SERTM1: variants seen among roughly 807,000 people sequenced by gnomAD.
SERTM1 encodes the protein serine rich and transmembrane domain containing 1.
Under a neutral mutation model 5.5 loss-of-function variants are expected in SERTM1, and 1 was observed. The observed-to-expected ratio is 0.18, with a 90% confidence interval of 0.06 to 0.86. The LOEUF (loss-of-function observed/expected upper bound fraction) is 0.86. Ranked by LOEUF, SERTM1 falls within the 40% of genes least tolerant of loss-of-function variation. The probability of loss-of-function intolerance (pLI) is 0.69; values close to 1 mark genes in which losing one functional copy is unlikely to be tolerated. For missense variants in SERTM1, 91 were observed against 122.4 expected (o/e 0.74, Z 1.21); for synonymous variants, 52 against 55.1 (o/e 0.94, Z 0.25).
At chr13:36,693,634 C>T (rs935252486) in intron 1 of SERTM1, among the ~76,000 whole-genome samples, 5 of 152,150 alleles carry the variant, frequency 3.3e-5, no homozygotes, top group African/African-American at 1.2e-4. Flanking sequence ...CAGCTCCAGC[C>T]ACAGTGGCAA....
chr13:36,695,875 A>G lies in SERTM1; in HGVS notation c.*473A>G, dbSNP rs1419628106. 1.2e-5 allele frequency: 2 copies of G among 168,922 alleles called. No individual in the cohort carries two copies. Among genetic ancestry groups the G allele is most frequent in the African/African-American group, 2.4e-5 (1 of 41,510 alleles). 10.5% of individuals were successfully genotyped at this position (168,922 alleles called of 1,614,324 possible). A position where few individuals can be genotyped will look rare whatever the true frequency, so the allele number is the denominator to read the frequency against. ...AGACACCAAACTTAAAAAGGAAGAG[A>G]GTCAATTTAGATTTAATGTATGACA... is the stretch of plus-strand genomic sequence containing the variant. On this transcript the variant is annotated 3_prime_UTR_variant, in exon 2 of 2. Transcript: ENST00000315190.
rs201837139 is a variant in SERTM1, at chr13:36,697,312, A to C, written c.*1910A>C. On this transcript the variant is annotated 3_prime_UTR_variant, in exon 2 of 2. Coordinates refer to ENST00000315190, the MANE Select transcript of SERTM1 (RefSeq NM_203451.3). The stretch of plus-strand genomic sequence containing the variant: ...ATACGCACACACACACACACACATA[A>C]ATATATATATATATATATATATATA... 3.5e-5 allele frequency: 5 copies of C among 143,832 alleles called. No homozygotes were observed. The highest frequency in any genetic ancestry group is 1.4e-4 in the African/African-American group (5 of 36,216). 8.9% of individuals were successfully genotyped at this position (143,832 alleles called of 1,614,324 possible).
At chr13:36,694,719 T>C (rs918560780) in intron 1 of SERTM1, among the ~76,000 whole-genome samples, 187 bp from the exon 2 acceptor site, 1 of 152,200 alleles carries the variant, frequency 6.6e-6, no homozygotes, top group Non-Finnish European at 1.5e-5. Context: ...AGACAGAAAA[T>C]AAACGTTCAT....
At chr13:36,686,460 C>G (rs1446977236) in intron 1 of SERTM1, among the ~76,000 whole-genome samples, 1 of 152,170 alleles carries the variant, frequency 6.6e-6, no homozygotes, top group Non-Finnish European at 1.5e-5. Context: ...CTGTTGAAAA[C>G]TTGCAAGAAT....
rs1056371177 is a variant in SERTM1, at chr13:36,695,585, T to C, written c.*183T>C. 1 of 620,604 alleles carries C rather than the reference T, an allele frequency of 1.6e-6. No homozygotes were observed. Among genetic ancestry groups the C allele is most frequent in the Non-Finnish European group, 2.9e-6 (1 of 345,888 alleles). The allele number at this position is 620,604 out of a possible 1,614,324, so 38.4% of individuals were successfully genotyped here. A position where few individuals can be genotyped will look rare whatever the true frequency, so the allele number is the denominator to read the frequency against. On this transcript the variant is annotated 3_prime_UTR_variant, in exon 2 of 2. Coordinates refer to ENST00000315190, the MANE Select transcript of SERTM1 (RefSeq NM_203451.3). ...CATTTGGGGATGGAGACACCGATGT[T>C]GGTGGAAATGTGTGCAAACCCCAAG...
intron 1 of SERTM1, among the ~76,000 whole-genome samples, chr13:36,682,812 C>T (rs1203109993): frequency 1.3e-5 from 2 of 152,170 alleles, no homozygotes; most frequent in Non-Finnish European, 2.9e-5. Context: ...TAATATTCTA[C>T]CCCTTCCTGT....
At chr13:36,677,325 C>A (rs1019052597) in intron 1 of SERTM1, among the ~76,000 whole-genome samples, 3 of 152,136 alleles carry the variant, frequency 2.0e-5, no homozygotes, top group African/African-American at 7.2e-5. Context: ...CAAAACAGTG[C>A]CAATGACAAA....
intron 1 of SERTM1, among the ~76,000 whole-genome samples, chr13:36,687,760 C>T (rs61617050): frequency 2.6e-5 from 4 of 151,888 alleles, no homozygotes; most frequent in Admixed American, 6.6e-5. Flanking sequence ...CACACACACA[C>T]GCACACAACA....
At chr13:36,688,530 G>T (rs1043694261) in intron 1 of SERTM1, among the ~76,000 whole-genome samples, 1 of 152,050 alleles carries the variant, frequency 6.6e-6, no homozygotes, top group African/African-American at 2.4e-5. Context: ...TTTCTGAAAG[G>T]TTGTCTAGTT....
At chr13:36,686,838 G>A (rs1246810670) in intron 1 of SERTM1, among the ~76,000 whole-genome samples, 6 of 152,028 alleles carry the variant, frequency 3.9e-5, no homozygotes, top group African/African-American at 1.4e-4. Context: ...TCCTTATAAG[G>A]GAAGAAATCT....
At chr13:36,679,814 A>G (rs1428661907) in intron 1 of SERTM1, among the ~76,000 whole-genome samples, 1 of 152,236 alleles carries the variant, frequency 6.6e-6, no homozygotes, top group Admixed American at 6.5e-5. Flanking sequence ...TCCTATGAGT[A>G]GCATATAAAT....
intron 1 of SERTM1, among the ~76,000 whole-genome samples, chr13:36,676,436 A>T (rs1185396374): frequency 1.3e-5 from 2 of 152,050 alleles, no homozygotes; most frequent in Non-Finnish European, 2.9e-5. Flanking sequence ...AAGTTTGTAC[A>T]GTTTGTACGA....
At chr13:36,675,722 G>A (rs2056665752) in intron 1 of SERTM1, among the ~76,000 whole-genome samples, 1 of 152,136 alleles carries the variant, frequency 6.6e-6, no homozygotes, top group Admixed American at 6.5e-5. Context: ...GCCTTTTGGA[G>A]GGCTTGTGAG....
Position 36,674,700 on chromosome 13 carries a change from TC to T in SERTM1, c.-174+517del, listed in dbSNP as rs1185846166. ...TTTCTAGGGTCATTTGCGTCCCTTC[TC>T]GGGAACGGGGACTCGCCATGCGCAC... On this transcript the variant is annotated intron_variant, in intron 1 of 1. Coordinates refer to ENST00000315190, the MANE Select transcript of SERTM1 (RefSeq NM_203451.3). Among the ~76,000 whole-genome samples the T allele has an allele frequency of 3.3e-5, 5 of 152,302 alleles. No individual in the cohort carries two copies. The East Asian group carries it at 9.7e-4, about 30-fold the overall frequency.
chr13:36,678,342 A>G (rs1222346148), intron 1 of SERTM1, among the ~76,000 whole-genome samples: 5 of 152,104 alleles, frequency 3.3e-5, no homozygotes, highest in African/African-American at 4.8e-5. Flanking sequence ...ATATGTGTGT[A>G]TAATAGTAGT....
intron 1 of SERTM1, among the ~76,000 whole-genome samples, chr13:36,675,560 G>A (rs1260174122): frequency 2.0e-5 from 3 of 152,178 alleles, no homozygotes; most frequent in African/African-American, 7.2e-5. Flanking sequence ...ACTAGTCTGG[G>A]TGTCTCAGCT....
chr13:36,692,029 T>C (rs904844463), intron 1 of SERTM1, among the ~76,000 whole-genome samples: 1 of 152,212 alleles, frequency 6.6e-6, no homozygotes, highest in African/African-American at 2.4e-5. Flanking sequence ...TTTCAGAGTA[T>C]GAAATGAAAT....
chr13:36,694,363 A>T (rs1219268399), intron 1 of SERTM1, among the ~76,000 whole-genome samples: 1 of 152,264 alleles, frequency 6.6e-6, no homozygotes, highest in Non-Finnish European at 1.5e-5. Flanking sequence ...GGTACATTTA[A>T]GGAAAAGAGT....
At position 36,695,511 on chromosome 13, in the gene SERTM1, C is replaced by T; in HGVS notation, c.*109C>T. ...AAATGATCCTTTTGGTGTAGACCTG[C>T]TTCTCCTTCTCCTTTTTCTCTGATT... On this transcript the variant is annotated 3_prime_UTR_variant, in exon 2 of 2. Transcript: ENST00000315190. 4 of 732,642 alleles carry T rather than the reference C, an allele frequency of 5.5e-6. No individual in the cohort carries two copies. The highest frequency in any genetic ancestry group is 5.1e-4 in the Middle Eastern group (2 of 3,948). 45.4% of individuals were successfully genotyped at this position (732,642 alleles called of 1,614,324 possible). A position where few individuals can be genotyped will look rare whatever the true frequency, so the allele number is the denominator to read the frequency against.
Sources: gnomAD v4.1 joint callset for allele counts (sites outside exome capture counted in the v4.1 genomes callset) on GRCh38, gnomAD v4.1.1 for gene constraint, MANE v1.5 for transcripts, NCBI Gene and HGNC (gene_info 2026-07-23, HGNC 2026-07-21) for gene names.